Variants in METTL15 observed in about 807,000 individuals in gnomAD.
METTL15 encodes the protein methyltransferase 15, mitochondrial 12S rRNA N4-cytidine, also known as 12S rRNA N(4)-cytidine methyltransferase METTL15.
In METTL15, 34 loss-of-function variants were observed where a neutral mutation model predicts 38.3. The observed-to-expected ratio is 0.89, with a 90% confidence interval of 0.68 to 1.18. The LOEUF (loss-of-function observed/expected upper bound fraction) is 1.18, where lower values mean the gene tolerates loss of function less well. METTL15 is among the 50% of genes most tolerant of loss of function. The pLI is 0.00. For synonymous variants in METTL15, 162 were observed against 170.9 expected (o/e 0.95, Z 0.41); for missense variants, 438 against 498.4 (o/e 0.88, Z 1.15).
chr11:28,306,470 C>A (rs1008096113), intron 6 of METTL15, among the ~76,000 whole-genome samples: 1 of 151,976 alleles, frequency 6.6e-6, no homozygotes, highest in African/African-American at 2.4e-5. Flanking sequence ...GAATTTAGAT[C>A]AGGCAGTCTT....
chr11:28,374,142 G>T (rs1245479899), intron 5 of METTL15, among the ~76,000 whole-genome samples: 2 of 152,038 alleles, frequency 1.3e-5, no homozygotes, highest in East Asian at 1.9e-4. Flanking sequence ...TTGACATGGC[G>T]ATGCGGGCTC....
At chr11:28,231,220 T>C (rs1392061718) in intron 4 of METTL15, among the ~76,000 whole-genome samples, 1 of 151,834 alleles carries the variant, frequency 6.6e-6, no homozygotes, top group Admixed American at 6.6e-5. Context: ...AAGTATTTAT[T>C]TAAGATAAGT....
At chr11:28,304,316 CCA>C (rs1365087311) in intron 6 of METTL15, among the ~76,000 whole-genome samples, 4 of 152,280 alleles carry the variant, frequency 2.6e-5, no homozygotes, top group South Asian at 2.1e-4. Context: ...GTATATCTTT[CCA>C]CAGTGGCATC....
At chr11:28,116,999 G>A (rs1170119256) in intron 3 of METTL15, among the ~76,000 whole-genome samples, 1 of 151,904 alleles carries the variant, frequency 6.6e-6, no homozygotes, top group Non-Finnish European at 1.5e-5. Flanking sequence ...GTCATGTAGT[G>A]GGACTCCAAA....
rs748243190 is a variant in METTL15 at position 28,123,843 on chromosome 11, T to C, written c.270+10239T>C. On this transcript the variant is annotated intron_variant, in intron 3 of 6. Coordinates refer to ENST00000407364, the MANE Select transcript of METTL15 (RefSeq NM_001113528.2). ...ACTGAAATCTTTCTTTTGTTACATG[T>C]ATTTTTCTTTCTGGCAAGCAAAAGA... The C allele has an allele frequency of 2.5e-5, 36 of 1,417,394 alleles. No homozygotes were observed. In the South Asian group the frequency reaches 5.0e-4, roughly 20 times the overall value. The allele number at this position is 1,417,394 out of a possible 1,614,324, so 87.8% of individuals were successfully genotyped here. A position where few individuals can be genotyped will look rare whatever the true frequency, so the allele number is the denominator to read the frequency against.
At chr11:28,373,671 TA>T (rs1449166499) in intron 5 of METTL15, among the ~76,000 whole-genome samples, 2 of 152,186 alleles carry the variant, frequency 1.3e-5, no homozygotes, top group African/African-American at 4.8e-5. Context: ...TTAATTGAAT[TA>T]AATCCCATTT....
chr11:28,179,215 T>C (rs561882470), intron 3 of METTL15, among the ~76,000 whole-genome samples: 1 of 151,974 alleles, frequency 6.6e-6, no homozygotes, highest in Admixed American at 6.6e-5. Context: ...GGTTGAAGTC[T>C]ATAATCTTAT....
intron 5 of METTL15, among the ~76,000 whole-genome samples, chr11:28,295,694 G>A (rs929531985): frequency 1.3e-5 from 2 of 151,966 alleles, no homozygotes; most frequent in African/African-American, 4.8e-5. Flanking sequence ...ACAAATCGGG[G>A]GATAAGCCAA....
chr11:28,424,182 T>G (rs1040699456), intron 5 of METTL15: 1 of 152,200 alleles, frequency 6.6e-6, no homozygotes, highest in African/African-American at 2.4e-5. Flanking sequence ...AAAAATTTTC[T>G]TAAACTAGTC....
At chr11:28,380,370 A>T (rs1850369353) in intron 5 of METTL15, among the ~76,000 whole-genome samples, 1 of 152,028 alleles carries the variant, frequency 6.6e-6, no homozygotes, top group Non-Finnish European at 1.5e-5. Context: ...AGGTTTCACC[A>T]TGTTAGCAAA....
intron 4 of METTL15, among the ~76,000 whole-genome samples, chr11:28,278,934 C>T (rs1449411103): frequency 1.3e-5 from 2 of 152,162 alleles, no homozygotes; most frequent in South Asian, 2.1e-4. Context: ...CCAAGCGATC[C>T]TCACACCTCA....
intron 3 of METTL15, chr11:28,123,929 A>G (rs1442363873): frequency 3.1e-6 from 4 of 1,310,382 alleles, no homozygotes; most frequent in Non-Finnish European, 2.0e-6. Context: ...TGAGGCGAGT[A>G]TACACTGGGA....
intron 5 of METTL15, among the ~76,000 whole-genome samples, chr11:28,372,392 A>ATT (rs1331296287): frequency 6.8e-6 from 1 of 146,404 alleles, no homozygotes; most frequent in Non-Finnish European, 1.5e-5. Flanking sequence ...TTTGTTGAGG[A>ATT]TTTTTGTATC....
intron 3 of METTL15, among the ~76,000 whole-genome samples, chr11:28,209,912 A>T (rs143110001): frequency 6.6e-6 from 1 of 152,018 alleles, no homozygotes; most frequent in African/African-American, 2.4e-5. Flanking sequence ...CAGTAGACTT[A>T]TGTTGTCATT....
intron 5 of METTL15, among the ~76,000 whole-genome samples, chr11:28,400,368 G>A (rs551572107): frequency 3.3e-5 from 5 of 152,006 alleles, no homozygotes; most frequent in African/African-American, 1.2e-4. Flanking sequence ...TTATTAACAT[G>A]GAGGGGAGAT....
At chr11:28,502,586 T>TG (rs1851593834) in intron 6 of METTL15, among the ~76,000 whole-genome samples, 1 of 152,212 alleles carries the variant, frequency 6.6e-6, no homozygotes, top group South Asian at 2.1e-4. Flanking sequence ...AAATAAAAAG[T>TG]GGAAAAAACT....
chr11:28,156,155 A>G (rs1850256401), intron 3 of METTL15, among the ~76,000 whole-genome samples: 1 of 152,136 alleles, frequency 6.6e-6, no homozygotes, highest in East Asian at 1.9e-4. Context: ...AGGATGGGAA[A>G]TAAGATTTGG....
chr11:28,237,627 T>G (rs1311457318), intron 4 of METTL15, among the ~76,000 whole-genome samples: 1 of 152,196 alleles, frequency 6.6e-6, no homozygotes, highest in African/African-American at 2.4e-5. Flanking sequence ...CCGTCCAGCT[T>G]TGTTCCGTTG....
chr11:28,238,980 A>G (rs1854162880), intron 4 of METTL15, among the ~76,000 whole-genome samples: 1 of 151,630 alleles, frequency 6.6e-6, no homozygotes, highest in African/African-American at 2.4e-5. Context: ...TCCTATCTGT[A>G]CTGTTCCTTG....
Sources: gnomAD v4.1 joint callset for allele counts (sites outside exome capture counted in the v4.1 genomes callset) on GRCh38, gnomAD v4.1.1 for gene constraint, MANE v1.5 for transcripts, NCBI Gene and HGNC (gene_info 2026-07-23, HGNC 2026-07-21) for gene names.